SMC5: variants seen among roughly 807,000 people sequenced by gnomAD.
SMC5 encodes structural maintenance of chromosomes 5.
SMC5 carries 88 observed loss-of-function variants against 148.3 expected under a neutral mutation model. The observed-to-expected ratio is 0.59, with a 90% CI of 0.50 to 0.71. The LOEUF is 0.71. Ranked by LOEUF, SMC5 falls within the 30% of genes least tolerant of loss-of-function variation. The pLI, the probability that SMC5 is intolerant of heterozygous loss-of-function variation, is 0.00. For synonymous variants in SMC5, 421 were observed against 432.8 expected (o/e 0.97, Z 0.34); for missense variants, 1,142 against 1,298.9 (o/e 0.88, Z 1.86).
At chr9:70,348,363 T>C (rs1355554859) in intron 22 of SMC5, among the ~76,000 whole-genome samples, 1 of 152,000 alleles carries the variant, frequency 6.6e-6, no homozygotes, top group East Asian at 1.9e-4. Flanking sequence ...TGAAATATAG[T>C]GTATATCAGT....
rs145548523 is a variant in SMC5, at chr9:70,320,287, A to G, written c.2150+1324A>G. Reference sequence around the variant, plus strand: ...CAAAAATATTCAAGAGGCCAGGTGCAGTGTCTCATACTTGTAACCCCAACA... The same window carrying G: ...CAAAAATATTCAAGAGGCCAGGTGCGGTGTCTCATACTTGTAACCCCAACA... On this transcript the variant is annotated intron_variant, in intron 15 of 24. Coordinates refer to ENST00000361138, the MANE Select transcript of SMC5 (RefSeq NM_015110.4). 3.9e-3 allele frequency among the ~76,000 whole-genome samples: 598 copies of G among 152,322 alleles called. 3 individuals are homozygous for G. The highest frequency in any genetic ancestry group is 0.013 in the African/African-American group (553 of 41,570).
Position 70,298,286 on chromosome 9 carries a change from T to C in SMC5, c.1309+65T>C, listed in dbSNP as rs1310905018. 5 of 1,481,772 alleles carry C rather than the reference T, an allele frequency of 3.4e-6. No homozygotes were observed. The African/African-American group carries it at 4.3e-5, about 13-fold the overall frequency. The allele number at this position is 1,481,772 out of a possible 1,614,324, so 91.8% of individuals were successfully genotyped here. On this transcript the variant is annotated intron_variant, in intron 9 of 24. Coordinates refer to ENST00000361138, the MANE Select transcript of SMC5 (RefSeq NM_015110.4). ...TAGATACATCTCTGTTGATGAACTTTCTTCTGCTTCTATAATTATTTCTAT... is the reference window on the plus strand; with the variant it reads ...TAGATACATCTCTGTTGATGAACTTCCTTCTGCTTCTATAATTATTTCTAT...
intron 9 of SMC5, 96 bp from the exon 10 acceptor site, chr9:70,299,950 C>G: frequency 8.7e-7 from 1 of 1,154,028 alleles, no homozygotes; most frequent in South Asian, 1.8e-5. Context: ...TGTTTGTAAC[C>G]TTTAGAACTA....
At chr9:70,261,798 T>C (rs2117927480) in intron 1 of SMC5, among the ~76,000 whole-genome samples, 1 of 152,336 alleles carries the variant, frequency 6.6e-6, no homozygotes, top group East Asian at 1.9e-4. Context: ...GAAGGAACTA[T>C]TCAGGGAGGT....
At chr9:70,343,708 C>T (rs1161598916) in intron 17 of SMC5, among the ~76,000 whole-genome samples, 5 of 151,892 alleles carry the variant, frequency 3.3e-5, no homozygotes, top group East Asian at 1.9e-4. Flanking sequence ...CTCAGCTACT[C>T]GGGAGGCTGA....
At chr9:70,266,416 A>G (rs1382355991) in intron 2 of SMC5, among the ~76,000 whole-genome samples, 1 of 152,160 alleles carries the variant, frequency 6.6e-6, no homozygotes, top group Non-Finnish European at 1.5e-5. Flanking sequence ...ACCAACTCAG[A>G]TTTTTATGAA....
intron 11 of SMC5, among the ~76,000 whole-genome samples, chr9:70,309,748 A>G (rs1300797475): frequency 6.6e-6 from 1 of 152,102 alleles, no homozygotes; most frequent in Non-Finnish European, 1.5e-5. Flanking sequence ...GAACCTCTCA[A>G]AGTCTTCCCT....
Position 70,259,251 on chromosome 9 carries a change from T to A in SMC5, c.173T>A (p.Met58Lys). ...GAAGGCTCTATCGTCCGCATCTCGA[T>A]GGAGAACTTCCTGTAAGTTGCCCGG... ...FVEGSIVRIS[M>K]ENFLTYDICE... The change falls in exon 1 of 25, where the codon ATG becomes AAG. Residue 58 changes from methionine (M) to lysine (K), a missense_variant. By Grantham distance (95) the Met-to-Lys change is moderately conservative. Transcript: ENST00000361138. The A allele has an allele frequency of 1.3e-6, 2 of 1,588,726 alleles. No homozygotes were observed. Among genetic ancestry groups the A allele is most frequent in the Non-Finnish European group, 8.6e-7 (1 of 1,166,652 alleles).
chr9:70,271,638 A>G (rs558508994), intron 3 of SMC5, among the ~76,000 whole-genome samples: 5 of 152,224 alleles, frequency 3.3e-5, no homozygotes, highest in Non-Finnish European at 7.3e-5. Flanking sequence ...TAAGTGCTAC[A>G]TAGAAAAATA....
intron 7 of SMC5, among the ~76,000 whole-genome samples, chr9:70,284,968 T>G (rs1401977132): frequency 6.6e-6 from 1 of 152,164 alleles, no homozygotes; most frequent in East Asian, 1.9e-4. Flanking sequence ...GACCTGTATT[T>G]TAAATCCTCA....
chr9:70,333,798 T>C (rs2036287051), intron 17 of SMC5, among the ~76,000 whole-genome samples: 1 of 151,962 alleles, frequency 6.6e-6, no homozygotes, highest in Non-Finnish European at 1.5e-5. Flanking sequence ...CTACGAAAAT[T>C]TGATGAGAGA....
At chr9:70,302,502 A>ATATAT (rs1554693939) in intron 10 of SMC5, among the ~76,000 whole-genome samples, 29 of 149,536 alleles carry the variant, frequency 1.9e-4, no homozygotes, top group African/African-American at 6.9e-4. Flanking sequence ...AAGAAAAAAA[A>ATATAT]ATATATATAT....
intron 24 of SMC5, 35 bp from the exon 25 acceptor site, chr9:70,352,156 A>G: frequency 1.9e-6 from 3 of 1,562,304 alleles, no homozygotes; most frequent in East Asian, 2.2e-5. Flanking sequence ...TTCTCAGTAT[A>G]TAGCTTATAT....
intron 17 of SMC5, among the ~76,000 whole-genome samples, chr9:70,334,576 T>A (rs753561989): frequency 2.0e-5 from 3 of 152,104 alleles, no homozygotes; most frequent in Admixed American, 6.6e-5. Flanking sequence ...TTTTGTAAAG[T>A]CCCTGTGAGC....
intron 6 of SMC5, 26 bp downstream of exon 6, chr9:70,280,925 G>C (rs1404629932): frequency 6.2e-7 from 1 of 1,612,038 alleles, no homozygotes. Flanking sequence ...TAGAGGCAAA[G>C]TACGTGTTTC....
intron 13 of SMC5, among the ~76,000 whole-genome samples, chr9:70,316,044 G>C (rs1027386938): frequency 2.0e-5 from 3 of 152,036 alleles, no homozygotes; most frequent in African/African-American, 7.2e-5. Context: ...GATTATCTCA[G>C]ATATGAATGA....
intron 17 of SMC5, among the ~76,000 whole-genome samples, chr9:70,337,196 G>GTGCC (rs1345879824): frequency 6.6e-6 from 1 of 152,108 alleles, no homozygotes; most frequent in African/African-American, 2.4e-5. Context: ...TTTGATTCTG[G>GTGCC]TGCCTGAAGT....
intron 11 of SMC5, among the ~76,000 whole-genome samples, chr9:70,310,163 G>A (rs2035620531): frequency 6.6e-6 from 1 of 152,148 alleles, no homozygotes; most frequent in Non-Finnish European, 1.5e-5. Flanking sequence ...ATCTTTTTTA[G>A]AAGGCTTTTT....
In SMC5 at chr9:70,277,442, A is replaced by T; in HGVS notation, c.513A>T (p.Gln171His). ...VEEKVAALNIQVGNLCQFLPQ... is the reference protein window; with the variant it reads ...VEEKVAALNIHVGNLCQFLPQ... Reference sequence around the variant, plus strand: ...AGAAAGTTGCAGCCTTAAATATTCAAGTGGGGAATCTTTGCCAGTTTCTCC... The same window carrying T: ...AGAAAGTTGCAGCCTTAAATATTCATGTGGGGAATCTTTGCCAGTTTCTCC... Residue 171 changes from glutamine (Q) to histidine (H), a missense_variant, in exon 4 of 25, where the codon CAA becomes CAT. This residue lies in a region of SMC5 where 297 missense variants were observed against 302.6 expected (regional missense o/e 0.98). Coordinates refer to ENST00000361138, the MANE Select transcript of SMC5 (RefSeq NM_015110.4). 1 of 1,596,486 alleles carries T rather than the reference A, an allele frequency of 6.3e-7. No individual in the cohort carries two copies. The highest frequency in any genetic ancestry group is 1.1e-5 in the South Asian group (1 of 87,454).
Sources: allele counts gnomAD v4.1 joint callset (sites outside exome capture counted in the v4.1 genomes callset), GRCh38; gene constraint gnomAD v4.1.1; regional missense constraint gnomAD v4.1.1; transcripts MANE v1.5; gene names NCBI Gene and HGNC (gene_info 2026-07-23, HGNC 2026-07-21).